PAX5: variants seen among roughly 807,000 people sequenced by gnomAD.
PAX5 encodes paired box protein Pax-5.
In PAX5, 9 loss-of-function variants were observed where a neutral mutation model predicts 43.7. The ratio of observed to expected loss-of-function variants is 0.21; its 90% CI spans 0.12 to 0.36. The LOEUF is 0.36. Among genes scored for constraint, PAX5 ranks in the 10% least tolerant of loss-of-function variants. PAX5 has a pLI of 1.00. For synonymous variants in PAX5, 228 were observed against 214.3 expected, an observed-to-expected ratio of 1.06 and a Z score of -0.56; for missense variants, 383 against 532.7, an observed-to-expected ratio of 0.72 and a Z score of 2.77.
At chr9:37,027,649 C>T (rs1269833713) in intron 1 of PAX5, among the ~76,000 whole-genome samples, 1 of 152,178 alleles carries the variant, frequency 6.6e-6, no homozygotes, top group Non-Finnish European at 1.5e-5. Flanking sequence ...GCTCGGCGCG[C>T]ACAGTGCGCC....
At chr9:36,946,856 C>T (rs963814170) in intron 6 of PAX5, among the ~76,000 whole-genome samples, 8 of 152,274 alleles carry the variant, frequency 5.3e-5, no homozygotes, top group African/African-American at 2.4e-5. Context: ...GGCTGCTTCC[C>T]GCTCCTTTGC....
At chr9:36,855,808 T>A (rs1427114070) in intron 8 of PAX5, among the ~76,000 whole-genome samples, 1 of 152,214 alleles carries the variant, frequency 6.6e-6, no homozygotes, top group African/African-American at 2.4e-5. Context: ...GCCGTTTCCA[T>A]CTCTCATGCT....
At chr9:36,963,851 C>T (rs1834177311) in intron 6 of PAX5, among the ~76,000 whole-genome samples, 1 of 152,328 alleles carries the variant, frequency 6.6e-6, no homozygotes, top group African/African-American at 2.4e-5. Context: ...GATCCCCGCT[C>T]TTCCCTGTTC....
chr9:36,869,895 A>AATGGATGGATGGATGG (rs371489118), intron 8 of PAX5, among the ~76,000 whole-genome samples: 1 of 49,366 alleles, frequency 2.0e-5, no homozygotes, highest in African/African-American at 7.1e-5. Flanking sequence ...TGGATGGATA[A>AATGGATGGATGGATGG]ATGGATGGAT....
chr9:36,992,273 A>G (rs1355549851), intron 5 of PAX5, among the ~76,000 whole-genome samples: 1 of 152,176 alleles, frequency 6.6e-6, no homozygotes, highest in Non-Finnish European at 1.5e-5. Context: ...CAAGATAAAT[A>G]CCAAACCCAC....
In PAX5 at chr9:37,015,208, A is replaced by G; in HGVS notation, c.213-14T>C. ...GTCTCATAATACCTAGGACCCAAAG[A>G]GAAAGAAGCTTAGCCATGAGGAACC... On this transcript the variant is annotated splice_polypyrimidine_tract_variant and intron_variant, in intron 2 of 9. Transcript: ENST00000358127. This position sits in a 1 kb window ranked among gnomAD's most constrained non-coding sequence, Gnocchi z 4.4. The G allele has an allele frequency of 6.2e-7, 1 of 1,611,354 alleles. No homozygotes were observed. Among genetic ancestry groups the G allele is most frequent in the Non-Finnish European group, 8.5e-7 (1 of 1,177,654 alleles).
At chr9:36,900,844 A>G (rs1828323998) in intron 7 of PAX5, among the ~76,000 whole-genome samples, 1 of 152,006 alleles carries the variant, frequency 6.6e-6, no homozygotes, top group African/African-American at 2.4e-5. Flanking sequence ...GGGTACCCCA[A>G]AGTTAAATAT....
intron 1 of PAX5, among the ~76,000 whole-genome samples, chr9:37,022,709 A>G (rs549191263): frequency 2.0e-4 from 31 of 152,346 alleles, no homozygotes; most frequent in African/African-American, 6.7e-4. Flanking sequence ...GCTGTTTTGT[A>G]TCATGGGAAA....
intron 6 of PAX5, among the ~76,000 whole-genome samples, chr9:36,959,020 C>T (rs529787091): frequency 9.8e-5 from 15 of 152,336 alleles, no homozygotes; most frequent in African/African-American, 3.6e-4. Flanking sequence ...CTCCCAAGAC[C>T]CTGCAGTCCC....
chr9:37,011,535 T>A (rs1171101864), intron 3 of PAX5, among the ~76,000 whole-genome samples: 1 of 152,084 alleles, frequency 6.6e-6, no homozygotes, highest in African/African-American at 2.4e-5. Flanking sequence ...AGCTTTGGGA[T>A]GGCCACCTCC....
At chr9:37,011,808 C>T (rs1222562733) in intron 3 of PAX5, among the ~76,000 whole-genome samples, 4 of 152,156 alleles carry the variant, frequency 2.6e-5, no homozygotes, top group Non-Finnish European at 5.9e-5. Context: ...ACAAATCCAG[C>T]CATCACTCCC....
intron 2 of PAX5, among the ~76,000 whole-genome samples, chr9:37,018,575 A>G (rs1161025072): frequency 1.3e-5 from 2 of 151,396 alleles, no homozygotes; most frequent in East Asian, 3.9e-4. Flanking sequence ...GTGACCAAAA[A>G]AAAAAAAAAA....
intron 8 of PAX5, among the ~76,000 whole-genome samples, chr9:36,855,393 C>T (rs1823562485): frequency 6.6e-6 from 1 of 152,232 alleles, no homozygotes; most frequent in South Asian, 2.1e-4. Context: ...TATGCCATGG[C>T]ACATTTTGAA....
At chr9:36,959,546 G>A (rs1564010988) in intron 6 of PAX5, among the ~76,000 whole-genome samples, 3 of 152,254 alleles carry the variant, frequency 2.0e-5, no homozygotes, top group Admixed American at 1.3e-4. Context: ...GCTTGGCCCT[G>A]AGCACAGCCC....
intron 7 of PAX5, 149 bp downstream of exon 7, chr9:36,923,206 A>AG (rs1830319106): frequency 2.0e-5 from 18 of 886,470 alleles, no homozygotes; most frequent in Non-Finnish European, 2.7e-5. Context: ...CCCTGGCCCC[A>AG]GCACCTGACC....
intron 8 of PAX5, among the ~76,000 whole-genome samples, chr9:36,857,578 T>C (rs1315287125): frequency 1.3e-5 from 2 of 152,202 alleles, no homozygotes; most frequent in Non-Finnish European, 2.9e-5. Context: ...CCAGGAAAGC[T>C]TCCTGTAAGA....
rs376434595 is a variant in PAX5, at chr9:36,929,600, C to G, written c.781-6116G>C. On this transcript the variant is annotated intron_variant, in intron 6 of 9. Transcript: ENST00000358127. ...GGATGTCATTTTAGGCTTCTTCTCC[C>G]TCTTCATCAGGGCACCCTGGTGCTG... 4.0e-4 allele frequency among the ~76,000 whole-genome samples: 61 copies of G among 152,340 alleles called. 1 individual carries two copies. The highest frequency in any genetic ancestry group is 1.4e-3 in the African/African-American group (59 of 41,570).
chr9:36,855,539 A>C (rs1823580105), intron 8 of PAX5, among the ~76,000 whole-genome samples: 1 of 152,090 alleles, frequency 6.6e-6, no homozygotes, highest in Admixed American at 6.5e-5. Flanking sequence ...GCAAGATAAC[A>C]CCTGATTTGT....
chr9:37,007,303 G>A (rs1838484793), intron 3 of PAX5: 1 of 152,196 alleles, frequency 6.6e-6, no homozygotes, highest in Admixed American at 6.5e-5. Context: ...CAATGACGGA[G>A]TTGGAACAGA....
Sources: allele counts gnomAD v4.1 joint callset (sites outside exome capture counted in the v4.1 genomes callset), GRCh38; gene constraint gnomAD v4.1.1; non-coding constraint Gnocchi (gnomAD v3.1); transcripts MANE v1.5; gene names NCBI Gene and HGNC (gene_info 2026-07-23, HGNC 2026-07-21).